PXK: variants seen among roughly 807,000 people sequenced by gnomAD.
PXK encodes PX domain-containing protein kinase-like protein.
Under a neutral mutation model 84.7 loss-of-function variants are expected in PXK, and 35 were observed. That is an observed-to-expected ratio of 0.41 (90% CI 0.32 to 0.55). The LOEUF is 0.55. Among genes scored for constraint, PXK ranks in the 20% least tolerant of loss-of-function variants. The probability of loss-of-function intolerance (pLI) is 0.21; values close to 1 mark genes in which losing one functional copy is unlikely to be tolerated. For synonymous variants in PXK, 253 were observed against 260.8 expected, an observed-to-expected ratio of 0.97 and a Z score of 0.29; for missense variants, 634 against 699.7, an observed-to-expected ratio of 0.91 and a Z score of 1.06.
At chr3:58,410,297 G>A (rs57857883) in intron 16 of PXK, 138 bp downstream of exon 16, 95 of 584,274 alleles carry the variant, frequency 1.6e-4, no homozygotes, top group African/African-American at 1.3e-3. Flanking sequence ...AAATAACTCC[G>A]TCTCTAATGA....
At chr3:58,393,704 T>C (rs1317566331) in intron 7 of PXK, among the ~76,000 whole-genome samples, 10 of 152,236 alleles carry the variant, frequency 6.6e-5, no homozygotes, top group African/African-American at 2.4e-4. Flanking sequence ...ACTTAATTTC[T>C]TAAGGTAAAT....
Position 58,391,171 on chromosome 3 carries a change from TCTTG to T in PXK, c.492_495del (p.Phe164LeufsTer2). On this transcript the variant is annotated frameshift_variant, in exon 6 of 18. Coordinates refer to ENST00000356151, the MANE Select transcript of PXK (RefSeq NM_017771.5). LOFTEE classifies it high-confidence loss of function. Reference sequence around the variant, plus strand: ...GGTTGGAGAATAAGGAAGAAATATTTCTTGATGAAGATTAAAAATCAGCCAAAGG... The same window carrying T: ...GGTTGGAGAATAAGGAAGAAATATTTATGAAGATTAAAAATCAGCCAAAGG... The T allele has an allele frequency of 6.2e-7, 1 of 1,613,776 alleles. No homozygotes were observed. Among genetic ancestry groups the T allele is most frequent in the Non-Finnish European group, 8.5e-7 (1 of 1,179,762 alleles).
At chr3:58,408,557 C>T (rs1032238488) in intron 13 of PXK, among the ~76,000 whole-genome samples, 5 of 150,214 alleles carry the variant, frequency 3.3e-5, no homozygotes, top group African/African-American at 1.2e-4. Flanking sequence ...GAGTCTCGCT[C>T]TGTCACCCAG....
chr3:58,406,962 T>C (rs1348713440), intron 13 of PXK, among the ~76,000 whole-genome samples: 1 of 152,262 alleles, frequency 6.6e-6, no homozygotes, highest in East Asian at 1.9e-4. Flanking sequence ...CATTCATCTG[T>C]TGATGAACAT....
chr3:58,349,467 T>G (rs7618945), intron 1 of PXK, among the ~76,000 whole-genome samples: 20,583 of 151,382 alleles, frequency 0.14, 2,203 homozygotes, highest in African/African-American at 0.29. Context: ...GCGATTCTCC[T>G]GCCTCAGCCT....
Position 58,332,901 on chromosome 3 carries a change from G to T in PXK, c.-88G>T, listed in dbSNP as rs1293675754. On this transcript the variant is annotated 5_prime_UTR_variant, in exon 1 of 18. Transcript: ENST00000356151. This position sits in a 1 kb window ranked among gnomAD's most constrained non-coding sequence, Gnocchi z 5.6. ...GCGTGGGGCGGCGCGTGTTGACAGC[G>T]GCGGCGGTGGAACCGGGCGGGCGGC... 6.1e-6 allele frequency: 5 copies of T among 825,634 alleles called. No individual in the cohort carries two copies. Among genetic ancestry groups the T allele is most frequent in the Admixed American group, 9.8e-5 (2 of 20,460 alleles). 51.1% of individuals were successfully genotyped at this position (825,634 alleles called of 1,614,324 possible).
At chr3:58,388,334 T>C (rs192933898) in intron 4 of PXK, among the ~76,000 whole-genome samples, 48 of 152,342 alleles carry the variant, frequency 3.2e-4, no homozygotes, top group African/African-American at 1.2e-3. Context: ...ATACAGTAGA[T>C]ATTGCTGAAT....
At chr3:58,406,361 T>A (rs2059411141) in intron 13 of PXK, among the ~76,000 whole-genome samples, 1 of 151,838 alleles carries the variant, frequency 6.6e-6, no homozygotes, top group South Asian at 2.1e-4. Context: ...CAGTGCAGCC[T>A]CAAACTCCTG....
chr3:58,364,527 T>C lies in PXK; in HGVS notation c.103-1347T>C, dbSNP rs2098241464. Among the ~76,000 whole-genome samples, 1 of 152,006 alleles carries C rather than the reference T, an allele frequency of 6.6e-6. No individual in the cohort carries two copies. The highest frequency in any genetic ancestry group is 2.4e-5 in the African/African-American group (1 of 41,384). On this transcript the variant is annotated intron_variant, in intron 1 of 17. Transcript: ENST00000356151. The surrounding 1 kb of genome is among the most constrained non-coding windows in gnomAD (Gnocchi z 4.3). The stretch of plus-strand genomic sequence containing the variant: ...AGGAGTTCGAGACCAGCTGGGCCAA[T>C]ATGGTGAAACCCCATCTCCGCTAAA...
chr3:58,377,268 G>T (rs2098451261), intron 3 of PXK, among the ~76,000 whole-genome samples: 1 of 152,016 alleles, frequency 6.6e-6, no homozygotes. Context: ...TCATTTGGCT[G>T]CATCATTGTT....
At chr3:58,417,140 A>G (rs914139975) in intron 17 of PXK, among the ~76,000 whole-genome samples, 7 of 152,188 alleles carry the variant, frequency 4.6e-5, no homozygotes, top group African/African-American at 1.7e-4. Flanking sequence ...TCCTGGGCAC[A>G]AGCACTCCTC....
chr3:58,373,110 G>A (rs1267546146), intron 3 of PXK, among the ~76,000 whole-genome samples: 12 of 141,562 alleles, frequency 8.5e-5, no homozygotes, highest in Admixed American at 3.7e-4. Flanking sequence ...AGACGTAGTC[G>A]CTCTGTCGCC....
At position 58,333,470 on chromosome 3, in the gene PXK, C is replaced by G; in HGVS notation, c.102+380C>G. The G allele has an allele frequency of 2.2e-6, 1 of 453,412 alleles. No homozygotes were observed. The highest frequency in any genetic ancestry group is 4.5e-6 in the Non-Finnish European group (1 of 224,702). The allele number at this position is 453,412 out of a possible 1,614,324, so 28.1% of individuals were successfully genotyped here. A position where few individuals can be genotyped will look rare whatever the true frequency, so the allele number is the denominator to read the frequency against. On this transcript the variant is annotated intron_variant, in intron 1 of 17. Transcript: ENST00000356151. This position sits in a 1 kb window ranked among gnomAD's most constrained non-coding sequence, Gnocchi z 5.4. ...ACCATCCACTTCTGCCCGCCGCCAG[C>G]CTTTTCCTTTTTGAGGCCGTGTAAT...
chr3:58,381,117 C>A (rs572557960), intron 3 of PXK, among the ~76,000 whole-genome samples: 1 of 152,000 alleles, frequency 6.6e-6, no homozygotes, highest in Admixed American at 6.6e-5. Flanking sequence ...GGCATTGTGG[C>A]TGGCGCCTGT....
chr3:58,357,250 G>T (rs1379106580), intron 1 of PXK, among the ~76,000 whole-genome samples: 1 of 151,750 alleles, frequency 6.6e-6, no homozygotes, highest in Non-Finnish European at 1.5e-5. Context: ...CTGCACTCCA[G>T]CCTGGGCAAC....
rs936519238 is a variant in PXK at position 58,401,551 on chromosome 3, A to G, written c.1181+2174A>G. Among the ~76,000 whole-genome samples the G allele has an allele frequency of 1.8e-4, 28 of 152,248 alleles. No homozygotes were observed. The highest frequency in any genetic ancestry group is 5.2e-4 in the Admixed American group (8 of 15,290). On this transcript the variant is annotated intron_variant, in intron 12 of 17. Transcript: ENST00000356151. This position sits in a 1 kb window ranked among gnomAD's most constrained non-coding sequence, Gnocchi z 4.4. ...TGAGGTGGTAGAATCGCTTGAGCCT[A>G]GGAATTTGAGGTTGCAGTGAGCTGT...
intron 12 of PXK, among the ~76,000 whole-genome samples, chr3:58,402,270 C>T (rs913768104): frequency 1.5e-5 from 2 of 131,276 alleles, no homozygotes; most frequent in African/African-American, 2.7e-5. Flanking sequence ...CCCTCTCTCT[C>T]CCCCCTTCTT....
rs1332524021 is a variant in PXK, at chr3:58,378,486, T to TTTC, written c.202-4022_202-4020dup. Reference sequence around the variant, plus strand: ...GTTTTCATTGGATTTGGACTTCATTTTTCTTCTTTTTTTTTTTTTTTTTTT... The same window carrying TTTC: ...GTTTTCATTGGATTTGGACTTCATTTTTCTTCTTCTTTTTTTTTTTTTTTTTTT... On this transcript the variant is annotated intron_variant, in intron 3 of 17. Coordinates refer to ENST00000356151, the MANE Select transcript of PXK (RefSeq NM_017771.5). 2.5e-3 allele frequency among the ~76,000 whole-genome samples: 145 copies of TTTC among 58,958 alleles called. 26 individuals are homozygous for TTTC. The highest frequency in any genetic ancestry group is 0.01 in the South Asian group (13 of 1,272). The allele number at this position is 58,958 out of a possible 152,430, so 38.7% of individuals were successfully genotyped here.
At chr3:58,406,210 C>T (rs904966838) in intron 13 of PXK, among the ~76,000 whole-genome samples, 5 of 152,068 alleles carry the variant, frequency 3.3e-5, no homozygotes, top group Non-Finnish European at 7.4e-5. Context: ...CCACTCACCT[C>T]GGCCTCCCAA....
Sources: gnomAD v4.1 joint callset for allele counts (sites outside exome capture counted in the v4.1 genomes callset) on GRCh38, gnomAD v4.1.1 for gene constraint, Gnocchi (gnomAD v3.1) non-coding constraint, MANE v1.5 for transcripts, NCBI Gene and HGNC (gene_info 2026-07-23, HGNC 2026-07-21) for gene names.